RFX6: variants seen among roughly 807,000 people sequenced by gnomAD.
RFX6 encodes regulatory factor X6, also known as DNA-binding protein RFX6.
RFX6 carries 50 observed loss-of-function variants against 110.8 expected under a neutral mutation model. The observed-to-expected ratio is 0.45, with a 90% CI of 0.36 to 0.57. The LOEUF (loss-of-function observed/expected upper bound fraction) is 0.57. Among genes scored for constraint, RFX6 ranks in the 20% least tolerant of loss-of-function variants. The pLI, the probability that RFX6 is intolerant of heterozygous loss-of-function variation, is 0.00. For missense variants in RFX6, 990 were observed against 1,127.0 expected (o/e 0.88, Z 1.74); for synonymous variants, 383 against 411.2 (o/e 0.93, Z 0.83).
In RFX6 at chr6:116,928,462, T is replaced by C. The variant is rs596732; in HGVS notation, c.2399-297T>C. ...AGATAAGGGAAATCTGACAGAAGTG[T>C]AATCTGGTCTTAAAGTTAATACAAT... On this transcript the variant is annotated intron_variant, in intron 17 of 18. Transcript: ENST00000332958. 0.24 allele frequency among the ~76,000 whole-genome samples: 36,961 copies of C among 152,078 alleles called. 4,878 individuals carry two copies. The highest frequency in any genetic ancestry group is 0.42 in the South Asian group (2,020 of 4,826).
intron 6 of RFX6, among the ~76,000 whole-genome samples, chr6:116,907,947 G>A (rs190324953): frequency 4.1e-4 from 63 of 152,170 alleles, no homozygotes; most frequent in Non-Finnish European, 7.9e-4. Flanking sequence ...TTAGGTACAT[G>A]TACATAAAGG....
chr6:116,928,859 C>G lies in RFX6; in HGVS notation c.2499C>G (p.Pro833=). The G allele has an allele frequency of 2.5e-6, 4 of 1,612,660 alleles. No homozygotes were observed. The highest frequency in any genetic ancestry group is 1.1e-5 in the South Asian group (1 of 91,066). Residue 833 remains proline (P), a synonymous_variant, in exon 18 of 19, where the codon CCC becomes CCG. Transcript: ENST00000332958. ...TCAGCAGCATTCGTTCACTGCCCCCCTACAGTGACATCCACGATCCACTTA... is the reference window on the plus strand; with the variant it reads ...TCAGCAGCATTCGTTCACTGCCCCCGTACAGTGACATCCACGATCCACTTA... ...SVISSIRSLP[P]YSDIHDPLNI...
intron 7 of RFX6, among the ~76,000 whole-genome samples, chr6:116,914,101 C>A (rs1252409462): frequency 6.6e-6 from 1 of 152,154 alleles, no homozygotes; most frequent in Non-Finnish European, 1.5e-5. Context: ...CTCTTTCCGA[C>A]CTCTGGTAAC....
chr6:116,905,421 T>C (rs1775176721), intron 6 of RFX6, among the ~76,000 whole-genome samples: 1 of 152,210 alleles, frequency 6.6e-6, no homozygotes, highest in Non-Finnish European at 1.5e-5. Flanking sequence ...TTAGGAGTTC[T>C]CAATATATTC....
chr6:116,896,901 A>AT (rs920207957), intron 6 of RFX6, among the ~76,000 whole-genome samples: 8 of 152,242 alleles, frequency 5.3e-5, no homozygotes, highest in African/African-American at 1.9e-4. Context: ...GAAAGATTCT[A>AT]TTTTTTTAAA....
chr6:116,900,706 TTTA>T (rs1381116392), intron 6 of RFX6, among the ~76,000 whole-genome samples: 2 of 152,116 alleles, frequency 1.3e-5, no homozygotes, highest in African/African-American at 4.8e-5. Flanking sequence ...GCACAAAATT[TTTA>T]TTGATTACAG....
At chr6:116,905,719 T>G (rs1228792924) in intron 6 of RFX6, among the ~76,000 whole-genome samples, 2 of 151,956 alleles carry the variant, frequency 1.3e-5, no homozygotes, top group African/African-American at 4.8e-5. Context: ...GCCCAGCTAA[T>G]TTTTGTATTT....
At chr6:116,893,305 A>G (rs1405976518) in intron 4 of RFX6, among the ~76,000 whole-genome samples, 1 of 152,178 alleles carries the variant, frequency 6.6e-6, no homozygotes, top group African/African-American at 2.4e-5. Context: ...AGAGTTTGTG[A>G]CTTAGGAGAA....
chr6:116,898,396 CTT>C (rs1280869657), intron 6 of RFX6, among the ~76,000 whole-genome samples: 1 of 152,106 alleles, frequency 6.6e-6, no homozygotes, highest in African/African-American at 2.4e-5. Context: ...GTGGCACAAT[CTT>C]GACTCACTGC....
chr6:116,890,862 A>T (rs754853470), intron 4 of RFX6, among the ~76,000 whole-genome samples: 1 of 152,228 alleles, frequency 6.6e-6, no homozygotes, highest in Non-Finnish European at 1.5e-5. Context: ...TTGTAAAGAT[A>T]TTCTGTCCTA....
At chr6:116,893,462 G>C (rs1774873310) in intron 4 of RFX6, among the ~76,000 whole-genome samples, 1 of 152,124 alleles carries the variant, frequency 6.6e-6, no homozygotes, top group Admixed American at 6.6e-5. Context: ...CCCCATTGTT[G>C]CATGAAATTT....
chr6:116,916,791 G>A lies in RFX6; in HGVS notation c.972+477G>A, dbSNP rs188241264. ...TCAGAGTTCCTAAGTGTCTGCAGAA[G>A]GATCTCGAAGACATCCTAAATAAGG... On this transcript the variant is annotated intron_variant, in intron 9 of 18. Transcript: ENST00000332958. Among the ~76,000 whole-genome samples the A allele has an allele frequency of 1.5e-3, 229 of 152,152 alleles. 1 individual carries two copies. The highest frequency in any genetic ancestry group is 5.1e-3 in the Admixed American group (78 of 15,278).
intron 12 of RFX6, among the ~76,000 whole-genome samples, 194 bp downstream of exon 12, chr6:116,920,648 C>G (rs1207081865): frequency 2.0e-5 from 3 of 151,706 alleles, no homozygotes; most frequent in Non-Finnish European, 4.4e-5. Context: ...CCCACATTGT[C>G]AAAGGTGTTC....
chr6:116,884,419 T>C (rs1175332149), intron 4 of RFX6, among the ~76,000 whole-genome samples: 1 of 152,162 alleles, frequency 6.6e-6, no homozygotes, highest in East Asian at 1.9e-4. Context: ...GCAATTAATG[T>C]TAACATTATT....
rs759062757 is a variant in RFX6, at chr6:116,920,430, A to G, written c.1303A>G (p.Thr435Ala). The change falls in exon 12 of 19, where the codon ACT (threonine) becomes GCT (alanine). Residue 435 changes from threonine to alanine, a missense_variant. Coordinates refer to ENST00000332958, the MANE Select transcript of RFX6 (RefSeq NM_173560.4). ...TCTTACCATTTCAGGCAGCACAGAC[A>G]CTGAATCTGGTATCTACACTGAACG... is the stretch of plus-strand genomic sequence containing the variant. Reference protein sequence around the residue: ...ALLTISGSTDTESGIYTEHDS... With the variant: ...ALLTISGSTDAESGIYTEHDS... 6.2e-7 allele frequency: 1 copy of G among 1,613,518 alleles called. No individual in the cohort carries two copies. The highest frequency in any genetic ancestry group is 8.5e-7 in the Non-Finnish European group (1 of 1,179,546).
At chr6:116,901,006 C>T (rs913355190) in intron 6 of RFX6, among the ~76,000 whole-genome samples, 1 of 152,114 alleles carries the variant, frequency 6.6e-6, no homozygotes, top group Non-Finnish European at 1.5e-5. Flanking sequence ...AACTGTACTT[C>T]GAGTACCCAT....
chr6:116,916,560 C>T (rs1333238093), intron 9 of RFX6, among the ~76,000 whole-genome samples: 1 of 151,978 alleles, frequency 6.6e-6, no homozygotes, highest in Non-Finnish European at 1.5e-5. Flanking sequence ...CTATATGTGA[C>T]ACACTTATTA....
chr6:116,920,508 A>T, intron 12 of RFX6, 54 bp downstream of exon 12: 2 of 1,475,618 alleles, frequency 1.4e-6, no homozygotes, highest in Non-Finnish European at 1.9e-6. Context: ...GAAAATTGAC[A>T]TCTTGAGCTG....
In RFX6 at chr6:116,925,597, G is replaced by A; in HGVS notation, c.1823G>A (p.Gly608Glu). 6.2e-7 allele frequency: 1 copy of A among 1,614,010 alleles called. No individual in the cohort carries two copies. Among genetic ancestry groups the A allele is most frequent in the Non-Finnish European group, 8.5e-7 (1 of 1,179,912 alleles). ...CTCCCTCTGCCATCCAGTCAACCTG[G>A]AGGCCTAGGCCCTGCTCTGCACCAG... ...TYLPLPSSQP[G>E]GLGPALHQFP... is the part of the protein sequence containing the mutation. The change falls in exon 16 of 19, where the codon GGA becomes GAA. Residue 608 changes from glycine to glutamate, a missense_variant. This residue lies in a region of RFX6 where 438 missense variants were observed against 441.9 expected (regional missense o/e 0.99). Coordinates refer to ENST00000332958, the MANE Select transcript of RFX6 (RefSeq NM_173560.4).
Sources: allele counts gnomAD v4.1 joint callset (sites outside exome capture counted in the v4.1 genomes callset), GRCh38; gene constraint gnomAD v4.1.1; regional missense constraint gnomAD v4.1.1; transcripts MANE v1.5; gene names NCBI Gene and HGNC (gene_info 2026-07-23, HGNC 2026-07-21).